The following ADCY1 variants were observed in gnomAD, a reference collection of about 807,000 sequenced individuals.
ADCY1 encodes adenylate cyclase type 1.
ADCY1 carries 28 observed loss-of-function variants against 105.4 expected under a neutral mutation model. That is an observed-to-expected ratio of 0.27 (90% confidence interval 0.20 to 0.36). The LOEUF (loss-of-function observed/expected upper bound fraction) is 0.36, where lower values mean the gene tolerates loss of function less well. Among genes scored for constraint, ADCY1 ranks in the 10% least tolerant of loss-of-function variants. The pLI is 1.00. For missense variants in ADCY1, 977 were observed against 1,434.2 expected, an observed-to-expected ratio of 0.68 and a Z score of 5.15; for synonymous variants, 655 against 623.8, an observed-to-expected ratio of 1.05 and a Z score of -0.75.
intron 2 of ADCY1, among the ~76,000 whole-genome samples, chr7:45,595,329 G>T (rs908747664): frequency 6.6e-6 from 1 of 152,176 alleles, no homozygotes; most frequent in East Asian, 1.9e-4. Flanking sequence ...GCCCAGGGGG[G>T]TTGGGGTTCT....
At chr7:45,635,371 C>T (rs954201747) in intron 4 of ADCY1, among the ~76,000 whole-genome samples, 7 of 151,300 alleles carry the variant, frequency 4.6e-5, no homozygotes, top group African/African-American at 7.3e-5. Context: ...AGTTTCTTTT[C>T]GTATCTGTAT....
At chr7:45,580,650 C>G (rs944718369) in intron 1 of ADCY1, among the ~76,000 whole-genome samples, 1 of 152,216 alleles carries the variant, frequency 6.6e-6, no homozygotes, top group Non-Finnish European at 1.5e-5. Context: ...GGCGCTCAGC[C>G]AGGATCACTG....
chr7:45,596,076 GGA>G (rs1793063130), intron 2 of ADCY1, among the ~76,000 whole-genome samples: 1 of 152,240 alleles, frequency 6.6e-6, no homozygotes, highest in Non-Finnish European at 1.5e-5. Flanking sequence ...GCATCTGCCT[GGA>G]GACTGCCTGG....
rs1168047321 is a variant in ADCY1, at chr7:45,574,657, G to A, written c.114G>A (p.Glu38=). The change falls in exon 1 of 20, where the codon GAG becomes GAA. Residue 38 remains glutamate (E), a synonymous_variant. Transcript: ENST00000297323. The surrounding 1 kb of genome is among the most constrained non-coding windows in gnomAD (Gnocchi z 7.0). ...GGCGCGGGCTCCGGGCGTGCGACGAGGAGTTCGCTTGCCCAGAGCTGGAGG... is the reference window on the plus strand; with the variant it reads ...GGCGCGGGCTCCGGGCGTGCGACGAAGAGTTCGCTTGCCCAGAGCTGGAGG... ...SRRRGLRACD[E]EFACPELEAL... is the part of the protein sequence containing the mutation. The A allele has an allele frequency of 6.8e-6, 9 of 1,316,472 alleles. No individual in the cohort carries two copies. The highest frequency in any genetic ancestry group is 8.7e-6 in the Non-Finnish European group (9 of 1,035,706). The allele number at this position is 1,316,472 out of a possible 1,614,324, so 81.5% of individuals were successfully genotyped here.
chr7:45,676,257 T>A (rs1784454840), intron 8 of ADCY1, among the ~76,000 whole-genome samples: 1 of 152,184 alleles, frequency 6.6e-6, no homozygotes, highest in African/African-American at 2.4e-5. Context: ...AGACTTGCTA[T>A]AATTTGTTTC....
At chr7:45,620,441 A>T (rs1462216866) in intron 3 of ADCY1, among the ~76,000 whole-genome samples, 1 of 152,224 alleles carries the variant, frequency 6.6e-6, no homozygotes, top group African/African-American at 2.4e-5. Flanking sequence ...CTTAAGGGAC[A>T]CCATCAAACT....
intron 5 of ADCY1, 25 bp downstream of exon 5, chr7:45,648,822 G>C: frequency 6.2e-7 from 1 of 1,611,898 alleles, no homozygotes; most frequent in Non-Finnish European, 8.5e-7. Context: ...GGGCTGAGAG[G>C]AGTGGCCTGG....
intron 14 of ADCY1, among the ~76,000 whole-genome samples, chr7:45,701,812 G>C (rs530752303): frequency 8.1e-4 from 124 of 152,312 alleles, no homozygotes; most frequent in Non-Finnish European, 3.8e-4. Flanking sequence ...CCAGACAGCC[G>C]CTGCGTGGGC....
intron 4 of ADCY1, among the ~76,000 whole-genome samples, chr7:45,626,803 C>T (rs1434444569): frequency 6.6e-6 from 1 of 152,214 alleles, no homozygotes; most frequent in Admixed American, 6.5e-5. Context: ...GATTAGGGAT[C>T]TCACCAGCCA....
intron 2 of ADCY1, among the ~76,000 whole-genome samples, chr7:45,593,962 T>A (rs1792999732): frequency 6.6e-6 from 1 of 152,234 alleles, no homozygotes; most frequent in African/African-American, 2.4e-5. Flanking sequence ...TGTGTCTGTG[T>A]ATATGTACAT....
intron 2 of ADCY1, among the ~76,000 whole-genome samples, chr7:45,593,455 C>T (rs149427666): frequency 7.9e-5 from 12 of 152,276 alleles, no homozygotes; most frequent in Middle Eastern, 3.4e-3. Context: ...ATGAAACAGC[C>T]GCGAGGGAAA....
chr7:45,704,305 G>A (rs1344754488), intron 16 of ADCY1, among the ~76,000 whole-genome samples: 2 of 152,156 alleles, frequency 1.3e-5, no homozygotes, highest in Non-Finnish European at 1.5e-5. Context: ...GTGGCTGCGA[G>A]CTCACCTGTT....
chr7:45,606,513 G>C (rs963616453), intron 2 of ADCY1, among the ~76,000 whole-genome samples: 3 of 152,184 alleles, frequency 2.0e-5, no homozygotes, highest in African/African-American at 7.2e-5. Context: ...ACTCAGTCTG[G>C]CATATATGAG....
intron 14 of ADCY1, among the ~76,000 whole-genome samples, chr7:45,694,925 T>A (rs1289281095): frequency 6.6e-6 from 1 of 152,256 alleles, no homozygotes; most frequent in Non-Finnish European, 1.5e-5. Flanking sequence ...AATCCCTAGA[T>A]GGTTCTTTCT....
intron 4 of ADCY1, among the ~76,000 whole-genome samples, chr7:45,625,596 CAT>C (rs891650295): frequency 6.9e-4 from 104 of 151,596 alleles, no homozygotes; most frequent in African/African-American, 2.5e-3. Context: ...AGATGTGTTA[CAT>C]GTGTGAGTGC....
At chr7:45,636,469 A>T (rs1324171437) in intron 4 of ADCY1, among the ~76,000 whole-genome samples, 6 of 152,274 alleles carry the variant, frequency 3.9e-5, no homozygotes, top group African/African-American at 1.2e-4. Context: ...AGTTGGTTGG[A>T]TCCATGGATG....
intron 12 of ADCY1, 94 bp downstream of exon 12, chr7:45,685,162 G>C: frequency 8.3e-7 from 1 of 1,207,964 alleles, no homozygotes; most frequent in African/African-American, 1.5e-5. Flanking sequence ...TGCAGAGACA[G>C]GGAGGTCATC....
At chr7:45,597,519 T>TA (rs11444187) in intron 2 of ADCY1, among the ~76,000 whole-genome samples, 10,808 of 152,302 alleles carry the variant, frequency 0.071, 394 homozygotes, top group African/African-American at 0.086. Context: ...TGTGCCTACT[T>TA]ACTGCTAACT....
At chr7:45,606,729 TAA>T (rs1004992030) in intron 2 of ADCY1, among the ~76,000 whole-genome samples, 6 of 152,232 alleles carry the variant, frequency 3.9e-5, no homozygotes, top group African/African-American at 1.2e-4. Context: ...TAGTTTTTTT[TAA>T]GAGTACATTT....
Sources: allele counts gnomAD v4.1 joint callset (sites outside exome capture counted in the v4.1 genomes callset), GRCh38; gene constraint gnomAD v4.1.1; non-coding constraint Gnocchi (gnomAD v3.1); transcripts MANE v1.5; gene names NCBI Gene and HGNC (gene_info 2026-07-23, HGNC 2026-07-21).